The following USP40 variants were observed in gnomAD, a reference collection of about 807,000 sequenced individuals.
USP40 encodes the protein ubiquitin specific peptidase 40.
USP40 carries 143 observed loss-of-function variants against 166.2 expected under a neutral mutation model. The ratio of observed to expected loss-of-function variants is 0.86; its 90% CI spans 0.75 to 0.99. USP40 has a LOEUF of 0.99. Among genes scored for constraint, USP40 ranks in the 50% least tolerant of loss-of-function variants. The pLI is 0.00. For synonymous variants in USP40, 498 were observed against 524.0 expected (o/e 0.95, Z 0.68); for missense variants, 1,444 against 1,479.7 (o/e 0.98, Z 0.40).
intron 2 of USP40, 50 bp downstream of exon 2, chr2:233,565,306 G>T: frequency 7.4e-7 from 1 of 1,343,738 alleles, no homozygotes; most frequent in Non-Finnish European, 1.0e-6. Context: ...TTAATTACAT[G>T]TAAAGAAGAT....
intron 18 of USP40, among the ~76,000 whole-genome samples, chr2:233,519,180 AG>A (rs2125203609): frequency 6.6e-6 from 1 of 152,368 alleles, no homozygotes; most frequent in South Asian, 2.1e-4. Context: ...TGATGGTTAT[AG>A]AACTCTACAC....
At chr2:233,508,503 C>G (rs934625762) in intron 21 of USP40, among the ~76,000 whole-genome samples, 1 of 152,160 alleles carries the variant, frequency 6.6e-6, no homozygotes, top group Non-Finnish European at 1.5e-5. Flanking sequence ...GAGGCTTATT[C>G]AGATTCAGGT....
At chr2:233,498,774 G>A (rs114099762) in intron 22 of USP40, among the ~76,000 whole-genome samples, 162 bp from the exon 23 acceptor site, 1 of 152,206 alleles carries the variant, frequency 6.6e-6, no homozygotes, top group Non-Finnish European at 1.5e-5. Flanking sequence ...AGCAAAGTGT[G>A]CTACTGAAAT....
At chr2:233,503,380 AT>A (rs1382273038) in intron 21 of USP40, among the ~76,000 whole-genome samples, 1 of 152,170 alleles carries the variant, frequency 6.6e-6, no homozygotes, top group Non-Finnish European at 1.5e-5. Flanking sequence ...TAGGTGAAAA[AT>A]TCCCAAGTCC....
chr2:233,512,601 G>C lies in USP40; in HGVS notation c.2405C>G (p.Pro802Arg), dbSNP rs2066915653. The change falls in exon 19 of 32, where the codon CCT (proline) becomes CGT (arginine). Residue 802 changes from proline to arginine, a missense_variant. Coordinates refer to ENST00000678225, the MANE Select transcript of USP40 (RefSeq NM_001365479.2). ...KELADNSCLRPIDRNGKLLCP... is the reference protein window; with the variant it reads ...KELADNSCLRRIDRNGKLLCP... Reference sequence around the variant, plus strand: ...AAGAAGCTTCCCATTTCTATCAATAGGTCTCAAACAGCTGTTGTCAGCTAT... The same window carrying C: ...AAGAAGCTTCCCATTTCTATCAATACGTCTCAAACAGCTGTTGTCAGCTAT... 6.3e-7 allele frequency: 1 copy of C among 1,580,916 alleles called. No individual in the cohort carries two copies. The highest frequency in any genetic ancestry group is 8.6e-7 in the Non-Finnish European group (1 of 1,165,152).
rs556569137 is a variant in USP40, at chr2:233,523,612, C to A, written c.1882-123G>T. The A allele has an allele frequency of 5.3e-6, 5 of 945,326 alleles. No homozygotes were observed. In the African/African-American group the frequency reaches 8.3e-5, roughly 16 times the overall value. The allele number at this position is 945,326 out of a possible 1,614,324, so 58.6% of individuals were successfully genotyped here. On this transcript the variant is annotated intron_variant, in intron 15 of 31. Coordinates refer to ENST00000678225, the MANE Select transcript of USP40 (RefSeq NM_001365479.2). Reference sequence around the variant, plus strand: ...TTTTCCAAGTAAAATAAAATTTTCACAAATGTCTGTTAAGCATCAGAGGAA... The same window carrying A: ...TTTTCCAAGTAAAATAAAATTTTCAAAAATGTCTGTTAAGCATCAGAGGAA...
chr2:233,477,402 C>T lies in USP40; in HGVS notation c.3701G>A (p.Ser1234Asn). The T allele has an allele frequency of 6.2e-7, 1 of 1,613,658 alleles. No individual in the cohort carries two copies. The change falls in exon 32 of 32, where the codon AGC (serine) becomes AAC (asparagine). Residue 1234 changes from serine (S) to asparagine (N), a missense_variant. Ser to Asn is a conservative substitution (Grantham distance 46). Transcript: ENST00000678225. ...CGTGCAGCGGCGCGGTTATCTGAAG[C>T]TCCCCACGTGGATGGAGAGAGAAGT... ...PETSLSIHVG[S>N]FR
intron 31 of USP40, among the ~76,000 whole-genome samples, chr2:233,479,811 G>A (rs975395981): frequency 2.0e-5 from 3 of 152,162 alleles, no homozygotes; most frequent in East Asian, 1.9e-4. Context: ...TGGGGCTCCC[G>A]GGGCCCTTAG....
chr2:233,482,583 T>G (rs2064688319), intron 30 of USP40, among the ~76,000 whole-genome samples: 2 of 136,404 alleles, frequency 1.5e-5, no homozygotes, highest in South Asian at 4.5e-4. Context: ...CCCACTGGAG[T>G]TTTTTTTTTT....
intron 11 of USP40, 129 bp downstream of exon 11, chr2:233,533,350 A>G (rs2068692203): frequency 2.1e-6 from 2 of 934,078 alleles, no homozygotes; most frequent in Non-Finnish European, 3.1e-6. Flanking sequence ...AGTTCTTGTT[A>G]GCTTTAAAAT....
intron 10 of USP40, among the ~76,000 whole-genome samples, chr2:233,538,882 A>AGCCAGGTGTG (rs770028817): frequency 1.2e-4 from 19 of 152,150 alleles, no homozygotes; most frequent in Non-Finnish European, 2.5e-4. Flanking sequence ...AAGAACACAT[A>AGCCAGGTGTG]GCCAGGTGTG....
intron 17 of USP40, 21 bp from the exon 18 acceptor site, chr2:233,519,692 A>G: frequency 7.5e-7 from 1 of 1,326,774 alleles, no homozygotes; most frequent in Non-Finnish European, 1.0e-6. Flanking sequence ...GAAATAAAAT[A>G]ATGACTAAGT....
chr2:233,558,884 C>G (rs2071332915), intron 4 of USP40, among the ~76,000 whole-genome samples: 1 of 152,004 alleles, frequency 6.6e-6, no homozygotes, highest in Admixed American at 6.6e-5. Flanking sequence ...TGTATTATAC[C>G]CCATTTTGCT....
chr2:233,508,525 GT>G (rs576352178), intron 21 of USP40, among the ~76,000 whole-genome samples: 107 of 152,190 alleles, frequency 7.0e-4, no homozygotes, highest in Non-Finnish European at 1.2e-3. Flanking sequence ...CAGTTGTTTG[GT>G]TTTTTGCAAT....
chr2:233,484,097 G>A (rs72980402), intron 30 of USP40, among the ~76,000 whole-genome samples: 15,694 of 152,082 alleles, frequency 0.1, 828 homozygotes, highest in South Asian at 0.14. Flanking sequence ...TTTTCTTCTC[G>A]CAGTGAGCCA....
rs534650463 is a variant in USP40 at position 233,485,751 on chromosome 2, A to G, written c.3408+16T>C. ...CGGTAAGCCCCAATTTCTCTGAGAC[A>G]GCCCCACAACTTTACCCAGCTAGAT... On this transcript the variant is annotated intron_variant, in intron 29 of 31. Coordinates refer to ENST00000678225, the MANE Select transcript of USP40 (RefSeq NM_001365479.2). The G allele has an allele frequency of 1.9e-6, 3 of 1,612,368 alleles. No homozygotes were observed. Among genetic ancestry groups the G allele is most frequent in the East Asian group, 4.5e-5 (2 of 44,868 alleles).
intron 24 of USP40, among the ~76,000 whole-genome samples, chr2:233,494,933 T>TATATAA (rs2065606372): frequency 2.4e-5 from 1 of 42,538 alleles, no homozygotes; most frequent in Non-Finnish European, 4.1e-5. Flanking sequence ...TATATATATA[T>TATATAA]ATATATATAT....
intron 24 of USP40, among the ~76,000 whole-genome samples, chr2:233,494,946 ATATATATATT>A (rs1182997988): frequency 0.015 from 529 of 34,408 alleles, 12 homozygotes; most frequent in Admixed American, 0.04. Flanking sequence ...ATATATATAT[ATATATATATT>A]TATATATATA....
At chr2:233,509,348 A>G (rs548788997) in intron 21 of USP40, among the ~76,000 whole-genome samples, 20 of 152,304 alleles carry the variant, frequency 1.3e-4, no homozygotes, top group African/African-American at 4.3e-4. Flanking sequence ...TTTATCACAT[A>G]CACACATATA....
Sources: allele counts gnomAD v4.1 joint callset (sites outside exome capture counted in the v4.1 genomes callset), GRCh38; gene constraint gnomAD v4.1.1; transcripts MANE v1.5; gene names NCBI Gene and HGNC (gene_info 2026-07-23, HGNC 2026-07-21).